Variants in NPC1 observed in about 807,000 individuals in gnomAD.
The protein encoded by NPC1 is NPC intracellular cholesterol transporter 1.
A neutral mutation model predicts 140.4 loss-of-function variants in NPC1; 85 were observed. That is an observed-to-expected ratio of 0.61 (90% CI 0.51 to 0.72). The LOEUF (loss-of-function observed/expected upper bound fraction) is 0.72, where lower values mean the gene tolerates loss of function less well. NPC1 is among the 30% of genes least tolerant of loss of function. The pLI is 0.00. For synonymous variants in NPC1, 656 were observed against 624.8 expected (o/e 1.05, Z -0.74); for missense variants, 1,504 against 1,623.8 (o/e 0.93, Z 1.27).
chr18:23,527,655 G>A (rs2058344815), downstream of NPC1: 3 of 202,084 alleles, frequency 1.5e-5, no homozygotes, highest in Non-Finnish European at 1.6e-5. Flanking sequence ...TAGCTGTCAG[G>A]TCTTTAAAGT....
At chr18:23,523,897 G>A (rs551834240) in intron 1 of NPC1, among the ~76,000 whole-genome samples, 2 of 152,272 alleles carry the variant, frequency 1.3e-5, no homozygotes, top group African/African-American at 4.8e-5. Flanking sequence ...CACAGTGATT[G>A]AAGCCTTGAC....
In NPC1 at chr18:23,554,889, C is replaced by T. The variant is rs367900403; in HGVS notation, c.1422G>A (p.Pro474=). The change falls in exon 9 of 25, where the codon CCG becomes CCA. Residue 474 remains proline (P), a synonymous_variant. Transcript: ENST00000269228. ...LQDICLAPLS[P]YNTNCTILSV... ...TCAAAATGGTGCAGTTCGTGTTATA[C>T]GGTGAAAGAGGGGCCAAGCAGATGT... The T allele has an allele frequency of 2.2e-5, 35 of 1,613,828 alleles. No homozygotes were observed. Among genetic ancestry groups the T allele is most frequent in the South Asian group, 3.3e-5 (3 of 91,078 alleles).
Position 23,586,268 on chromosome 18 carries a change from G to A in NPC1, c.57+19C>T. The A allele has an allele frequency of 6.5e-7, 1 of 1,531,752 alleles. No individual in the cohort carries two copies. The highest frequency in any genetic ancestry group is 8.7e-7 in the Non-Finnish European group (1 of 1,145,252). 94.9% of individuals were successfully genotyped at this position (1,531,752 alleles called of 1,614,324 possible). ...CGCCACGTCCCCACAGGGCGTCCCG[G>A]TGGCCGGCGACCGCTCACCTGCGCT... On this transcript the variant is annotated intron_variant, in intron 1 of 24. Transcript: ENST00000269228.
downstream of NPC1, chr18:23,527,997 A>T (rs2058357733): frequency 9.7e-7 from 1 of 1,034,688 alleles, no homozygotes; most frequent in Admixed American, 2.9e-5. Flanking sequence ...CCTATATATT[A>T]GAATAAGGTC....
chr18:23,522,159 T>G (rs2058159801), downstream of NPC1, among the ~76,000 whole-genome samples: 2 of 152,232 alleles, frequency 1.3e-5, no homozygotes, highest in South Asian at 4.1e-4. Context: ...GCTTAGTTAC[T>G]TTCTGGCACA....
intron 3 of NPC1, among the ~76,000 whole-genome samples, chr18:23,510,086 G>A (rs1056399193): frequency 6.6e-6 from 1 of 151,290 alleles, no homozygotes; most frequent in Non-Finnish European, 1.5e-5. Context: ...TCTTTGGAAG[G>A]CCAAGGTGGG....
intron 1 of NPC1, chr18:23,524,163 C>T: frequency 6.2e-7 from 1 of 1,613,932 alleles, no homozygotes; most frequent in Non-Finnish European, 8.5e-7. Flanking sequence ...TCTCCTGTTC[C>T]ATGTAAACTC....
chr18:23,544,133 T>C (rs1402134429), intron 13 of NPC1, among the ~76,000 whole-genome samples: 2 of 152,178 alleles, frequency 1.3e-5, no homozygotes, highest in African/African-American at 2.4e-5. Context: ...ACACAATTCT[T>C]ACTTTATATC....
intron 2 of NPC1, 53 bp from the exon 3 acceptor site, chr18:23,572,233 C>A: frequency 1.7e-6 from 2 of 1,201,632 alleles, no homozygotes; most frequent in South Asian, 2.4e-5. Context: ...AGAGTAAGGT[C>A]AACATTCCTC....
chr18:23,582,001 CTACT>C (rs1217335200), intron 1 of NPC1: 1 of 151,926 alleles, frequency 6.6e-6, no homozygotes, highest in African/African-American at 2.4e-5. Flanking sequence ...CTTTTTTTTA[CTACT>C]TACTTATTGT....
chr18:23,537,070 CT>C (rs562891401), intron 20 of NPC1, among the ~76,000 whole-genome samples, 194 bp from the exon 21 acceptor site: 67 of 146,886 alleles, frequency 4.6e-4, no homozygotes, highest in Non-Finnish European at 4.1e-4. Context: ...AGACTGGCTT[CT>C]TTTTTTTTTT....
chr18:23,551,679 C>CA lies in NPC1; in HGVS notation c.1601dup (p.Thr536TyrfsTer16). On this transcript the variant is annotated frameshift_variant, in exon 10 of 25. Coordinates refer to ENST00000269228, the MANE Select transcript of NPC1 (RefSeq NM_000271.5). LOFTEE classifies it high-confidence loss of function. ...GGAACACTGGTCCACCAAACGTACC[C>CA]AGACAAGGGTCATGGAGCAAACTTG... 1 of 1,614,192 alleles carries CA rather than the reference C, an allele frequency of 6.2e-7. No individual in the cohort carries two copies. Among genetic ancestry groups the CA allele is most frequent in the South Asian group, 1.1e-5 (1 of 91,076 alleles).
At chr18:23,554,646 G>T in intron 9 of NPC1, 112 bp downstream of exon 9, 2 of 771,336 alleles carry the variant, frequency 2.6e-6, no homozygotes, top group East Asian at 2.7e-5. Flanking sequence ...CACAGGGCAA[G>T]GTCTTGTTGT....
rs370207001 is a variant in NPC1 at position 23,584,109 on chromosome 18, G to A, written c.57+2178C>T. ...GCATATAGTTTTTAGATGACTACAGGGTTTTAAAAACAAGGCAGTCTAGTA... is the reference window on the plus strand; with the variant it reads ...GCATATAGTTTTTAGATGACTACAGAGTTTTAAAAACAAGGCAGTCTAGTA... On this transcript the variant is annotated intron_variant, in intron 1 of 24. Coordinates refer to ENST00000269228, the MANE Select transcript of NPC1 (RefSeq NM_000271.5). 3.4e-4 allele frequency among the ~76,000 whole-genome samples: 51 copies of A among 152,200 alleles called. 1 individual carries two copies. The South Asian group carries it at 9.1e-3, about 27-fold the overall frequency.
intron 3 of NPC1, among the ~76,000 whole-genome samples, chr18:23,511,092 A>G (rs1174923085): frequency 6.6e-6 from 1 of 152,260 alleles, no homozygotes; most frequent in Non-Finnish European, 1.5e-5. Context: ...CCCATCAGTG[A>G]CAGATTGGAT....
intron 3 of NPC1, among the ~76,000 whole-genome samples, chr18:23,512,347 A>G (rs568120204): frequency 1.3e-5 from 2 of 152,128 alleles, no homozygotes; most frequent in African/African-American, 4.8e-5. Flanking sequence ...TGCATTTTAC[A>G]TTACTAGGGA....
rs2145377796 is a variant in NPC1, at chr18:23,540,491, T to C, written c.2561A>G (p.Asn854Ser). 1 of 1,612,968 alleles carries C rather than the reference T, an allele frequency of 6.2e-7. No individual in the cohort carries two copies. The highest frequency in any genetic ancestry group is 8.5e-7 in the Non-Finnish European group (1 of 1,179,432). Residue 854 changes from asparagine (N) to serine (S), a missense_variant, in exon 17 of 25, where the codon AAC becomes AGC. Physicochemically the swap from Asn to Ser is conservative, Grantham distance 46 (BLOSUM62 1). Coordinates refer to ENST00000269228, the MANE Select transcript of NPC1 (RefSeq NM_000271.5). ...CTGATCCAATCCAATATCTACTTTG[T>C]TCAGGACTGCGATGCTGAATGACAG... is the stretch of plus-strand genomic sequence containing the variant. The part of the protein sequence containing the change: ...GVLSFSIAVL[N>S]KVDIGLDQSL...
At chr18:23,553,860 T>C (rs911856289) in intron 9 of NPC1, among the ~76,000 whole-genome samples, 2 of 152,122 alleles carry the variant, frequency 1.3e-5, no homozygotes, top group Non-Finnish European at 2.9e-5. Context: ...CCCTCCAATC[T>C]AAAGCTGCGG....
At chr18:23,539,315 T>C (rs754981164) in intron 19 of NPC1, 40 bp downstream of exon 19, 4 of 1,466,404 alleles carry the variant, frequency 2.7e-6, no homozygotes, top group Admixed American at 3.4e-5. Flanking sequence ...TTTGAAAATT[T>C]TTCAGCAAAA....
Sources: allele counts gnomAD v4.1 joint callset (sites outside exome capture counted in the v4.1 genomes callset), GRCh38; gene constraint gnomAD v4.1.1; transcripts MANE v1.5; gene names NCBI Gene and HGNC (gene_info 2026-07-23, HGNC 2026-07-21).